The following MED10 variants were observed in gnomAD, a reference collection of about 807,000 sequenced individuals.
MED10 encodes the protein mediator of RNA polymerase II transcription subunit 10.
A neutral mutation model predicts 17.2 loss-of-function variants in MED10; 9 were observed. The ratio of observed to expected loss-of-function variants is 0.52; its 90% CI spans 0.31 to 0.91. The LOEUF is 0.91. Among genes scored for constraint, MED10 ranks in the 40% least tolerant of loss-of-function variants. The probability of loss-of-function intolerance (pLI) is 0.04; values close to 1 mark genes in which losing one functional copy is unlikely to be tolerated. For missense variants in MED10, 129 were observed against 164.8 expected, an observed-to-expected ratio of 0.78 and a Z score of 1.19; for synonymous variants, 66 against 59.8, an observed-to-expected ratio of 1.10 and a Z score of -0.48.
At chr5:6,373,281 C>T (rs745639380) in intron 3 of MED10, among the ~76,000 whole-genome samples, 2 of 152,176 alleles carry the variant, frequency 1.3e-5, no homozygotes, top group Non-Finnish European at 2.9e-5. Flanking sequence ...TCCCTGCCTG[C>T]GCACATTAGC....
intron 1 of MED10, 37 bp downstream of exon 1, chr5:6,378,325 C>T: frequency 6.4e-7 from 1 of 1,558,902 alleles, no homozygotes; most frequent in Admixed American, 1.9e-5. Context: ...CCGGCCAGGC[C>T]CTGGGGAGAC....
chr5:6,372,565 C>T lies in MED10; in HGVS notation c.346G>A (p.Val116Ile), dbSNP rs1185691149. ...TACTTAGCCATGTCTTCCGGAAATA[C>T]TTTAGAAAGTTCTTGAATCAACAGG... ...KSLLIQELSKVFPEDMAKYRS... is the reference protein window; with the variant it reads ...KSLLIQELSKIFPEDMAKYRS... Residue 116 changes from valine (V) to isoleucine (I), a missense_variant, in exon 4 of 4, where the codon GTA becomes ATA. This residue lies in a region of MED10 where 100 missense variants were observed against 121.0 expected (regional missense o/e 0.83). Transcript: ENST00000255764. 1.2e-6 allele frequency: 2 copies of T among 1,614,214 alleles called. No individual in the cohort carries two copies. The highest frequency in any genetic ancestry group is 1.1e-5 in the South Asian group (1 of 91,084).
chr5:6,372,433 A>G lies in MED10; in HGVS notation c.*70T>C. On this transcript the variant is annotated 3_prime_UTR_variant, in exon 4 of 4. Transcript: ENST00000255764. ...CCCACCTCAGCAGGAAGGTGGCGTC[A>G]GCACTCGCAGTCCCAGCCTCACGCC... 1 of 1,311,616 alleles carries G rather than the reference A, an allele frequency of 7.6e-7. No homozygotes were observed. Among genetic ancestry groups the G allele is most frequent in the South Asian group, 1.2e-5 (1 of 84,472 alleles). The allele number at this position is 1,311,616 out of a possible 1,614,324, so 81.2% of individuals were successfully genotyped here.
intron 2 of MED10, among the ~76,000 whole-genome samples, chr5:6,375,516 AATCT>A (rs1260732307): frequency 6.6e-6 from 1 of 152,182 alleles, no homozygotes; most frequent in Non-Finnish European, 1.5e-5. Context: ...TTCTAAACAA[AATCT>A]ATCCATTTCT....
At chr5:6,374,533 G>A (rs1361451861) in intron 2 of MED10, 107 bp from the exon 3 acceptor site, 68 of 782,520 alleles carry the variant, frequency 8.7e-5, no homozygotes, top group Admixed American at 9.5e-5. Context: ...AACTGCACAC[G>A]GCCTTGTTTA....
intron 2 of MED10, among the ~76,000 whole-genome samples, chr5:6,375,476 A>G (rs1373731296): frequency 6.6e-6 from 1 of 152,212 alleles, no homozygotes; most frequent in Non-Finnish European, 1.5e-5. Flanking sequence ...GTGTTTTTGA[A>G]ATAATGTAAT....
At chr5:6,374,550 A>G (rs1213103421) in intron 2 of MED10, 124 bp from the exon 3 acceptor site, 3 of 691,662 alleles carry the variant, frequency 4.3e-6, no homozygotes, top group Non-Finnish European at 7.8e-6. Flanking sequence ...TTTAGACAAA[A>G]CTCAGTGTAG....
Position 6,372,384 on chromosome 5 carries a change from T to C in MED10, c.*119A>G. 2 of 782,208 alleles carry C rather than the reference T, an allele frequency of 2.6e-6. No individual in the cohort carries two copies. The highest frequency in any genetic ancestry group is 2.1e-5 in the Admixed American group (1 of 46,986). The allele number at this position is 782,208 out of a possible 1,614,324, so 48.5% of individuals were successfully genotyped here. A position where few individuals can be genotyped will look rare whatever the true frequency, so the allele number is the denominator to read the frequency against. On this transcript the variant is annotated 3_prime_UTR_variant, in exon 4 of 4. Coordinates refer to ENST00000255764, the MANE Select transcript of MED10 (RefSeq NM_032286.3). Reference sequence around the variant, plus strand: ...GGCCAAACAATGAGGACAGAGGGGCTGAGGGGTGTGTCCAGGGCCCAGTCC... The same window carrying C: ...GGCCAAACAATGAGGACAGAGGGGCCGAGGGGTGTGTCCAGGGCCCAGTCC...
rs1025745362 is a variant in MED10, at chr5:6,374,243, GA to G, written c.309+80del. On this transcript the variant is annotated intron_variant, in intron 3 of 3. Coordinates refer to ENST00000255764, the MANE Select transcript of MED10 (RefSeq NM_032286.3). ...GAAAGTCAATATTCTAGCAAGTATG[GA>G]AAAAAATGAGTCTCTTAACCAAATT... 2.0e-4 allele frequency: 181 copies of G among 910,982 alleles called. 2 individuals are homozygous for G. The highest frequency in any genetic ancestry group is 4.9e-5 in the Non-Finnish European group (27 of 545,994). 56.4% of individuals were successfully genotyped at this position (910,982 alleles called of 1,614,324 possible).
At position 6,378,345 on chromosome 5, in the gene MED10, C is replaced by T; in HGVS notation, c.122+17G>A. 2 of 1,590,998 alleles carry T rather than the reference C, an allele frequency of 1.3e-6. No individual in the cohort carries two copies. Among genetic ancestry groups the T allele is most frequent in the Non-Finnish European group, 1.7e-6 (2 of 1,170,754 alleles). On this transcript the variant is annotated intron_variant, in intron 1 of 3. Coordinates refer to ENST00000255764, the MANE Select transcript of MED10 (RefSeq NM_032286.3). ...CAGGCCCTGGGGAGACCCCGGCAGC[C>T]TCGGGCCGCCACTCACAGCTTTTGG...
At chr5:6,373,153 C>T (rs1449514609) in intron 3 of MED10, among the ~76,000 whole-genome samples, 1 of 152,262 alleles carries the variant, frequency 6.6e-6, no homozygotes, top group East Asian at 1.9e-4. Flanking sequence ...GAGGGGATCA[C>T]CTGAATGGGA....
chr5:6,378,027 G>A (rs1001276581), intron 1 of MED10, among the ~76,000 whole-genome samples: 7 of 152,222 alleles, frequency 4.6e-5, no homozygotes, highest in African/African-American at 7.2e-5. Context: ...GGCTCCAGGA[G>A]GAAAAGGCTG....
At chr5:6,375,578 G>A (rs1413273415) in intron 2 of MED10, among the ~76,000 whole-genome samples, 1 of 152,212 alleles carries the variant, frequency 6.6e-6, no homozygotes, top group African/African-American at 2.4e-5. Flanking sequence ...CATGTCAGCT[G>A]ACGGTCGTTT....
intron 2 of MED10, 177 bp from the exon 3 acceptor site, chr5:6,374,603 T>A: frequency 1.8e-6 from 1 of 556,364 alleles, no homozygotes; most frequent in East Asian, 3.0e-5. Context: ...CAAGTACAGA[T>A]CATCTGATTT....
At position 6,372,586 on chromosome 5, in the gene MED10, A is replaced by T; in HGVS notation, c.325T>A (p.Leu109Met). The change falls in exon 4 of 4, where the codon TTG becomes ATG. Residue 109 changes from leucine (L) to methionine (M), a missense_variant. This residue lies in a region of MED10 where 100 missense variants were observed against 121.0 expected (regional missense o/e 0.83). Transcript: ENST00000255764. Reference protein sequence around the residue: ...IDTMKKFKSLLIQELSKVFPE... With the variant: ...IDTMKKFKSLMIQELSKVFPE... ...AATACTTTAGAAAGTTCTTGAATCA[A>T]CAGGCTTTTAAATTTCTACAAAGAA... The T allele has an allele frequency of 6.2e-7, 1 of 1,613,850 alleles. No individual in the cohort carries two copies. The highest frequency in any genetic ancestry group is 1.1e-5 in the South Asian group (1 of 91,076).
chr5:6,375,991 CCCCTG>C (rs1737979787), intron 2 of MED10, among the ~76,000 whole-genome samples: 1 of 152,228 alleles, frequency 6.6e-6, no homozygotes, highest in Non-Finnish European at 1.5e-5. Context: ...CTATATGCAT[CCCCTG>C]CATTCATAAT....
intron 1 of MED10, among the ~76,000 whole-genome samples, chr5:6,377,456 C>T (rs1299607675): frequency 6.6e-6 from 1 of 152,218 alleles, no homozygotes; most frequent in Admixed American, 6.5e-5. Context: ...ATATTTGTTA[C>T]TTTCCTTCTC....
intron 1 of MED10, among the ~76,000 whole-genome samples, chr5:6,377,778 G>A (rs2111437943): frequency 6.6e-6 from 1 of 152,342 alleles, no homozygotes; most frequent in Non-Finnish European, 1.5e-5. Context: ...TGCTGTACTT[G>A]CATTTGCCTT....
chr5:6,375,885 G>A (rs190460574), intron 2 of MED10, among the ~76,000 whole-genome samples: 34 of 152,242 alleles, frequency 2.2e-4, no homozygotes, highest in Non-Finnish European at 4.1e-4. Context: ...ATCCATCCCC[G>A]TGCCCAGCAC....
Sources: gnomAD v4.1 joint callset for allele counts (sites outside exome capture counted in the v4.1 genomes callset) on GRCh38, gnomAD v4.1.1 for gene constraint, gnomAD v4.1.1 regional missense constraint, MANE v1.5 for transcripts, NCBI Gene and HGNC (gene_info 2026-07-23, HGNC 2026-07-21) for gene names.